TACC2: variants seen among roughly 807,000 people sequenced by gnomAD.
The protein encoded by TACC2 is transforming acidic coiled-coil containing protein 2, also known as transforming acidic coiled-coil-containing protein 2.
Under a neutral mutation model 227.3 loss-of-function variants are expected in TACC2, and 137 were observed. The observed-to-expected ratio is 0.60, with a 90% CI of 0.52 to 0.69. The LOEUF (loss-of-function observed/expected upper bound fraction) is 0.69. TACC2 is among the 30% of genes least tolerant of loss of function. TACC2 has a pLI of 0.00. For missense variants in TACC2, 3,470 were observed against 3,694.4 expected, an observed-to-expected ratio of 0.94 and a Z score of 1.57; for synonymous variants, 1,523 against 1,487.5, an observed-to-expected ratio of 1.02 and a Z score of -0.55.
In TACC2 at chr10:122,180,745, A is replaced by AT. The variant is rs555320076; in HGVS notation, c.5835-14287dup. Among the ~76,000 whole-genome samples, 6 of 151,050 alleles carry AT rather than the reference A, an allele frequency of 4.0e-5. No homozygotes were observed. The South Asian group carries it at 6.3e-4, about 16-fold the overall frequency. On this transcript the variant is annotated intron_variant, in intron 7 of 22. Transcript: ENST00000369005. The surrounding 1 kb of genome is among the most constrained non-coding windows in gnomAD (Gnocchi z 4.5). ...AGAGGAATAACTTATTTTATTTTTT[A>AT]TTTTTTTTGAGACGGAGTCTCGCTC...
At chr10:122,176,107 CTCTCTCTCTCTATATATATATATA>C (rs1456657902) in intron 7 of TACC2, among the ~76,000 whole-genome samples, 19 of 70,532 alleles carry the variant, frequency 2.7e-4, no homozygotes, top group African/African-American at 1.2e-3. Context: ...CTCTCTCTCT[CTCTCTCTCTCTATATATATATATA>C]TATATATATA....
chr10:122,017,818 C>CAAAAAA (rs5788525), intron 1 of TACC2, among the ~76,000 whole-genome samples: 30 of 74,850 alleles, frequency 4.0e-4, no homozygotes, highest in South Asian at 1.3e-3. Context: ...GAAACTGTCT[C>CAAAAAA]AAAAAAAAAA....
At chr10:122,143,830 C>G (rs150476340) in intron 7 of TACC2, 124 bp downstream of exon 7, 1 of 1,094,544 alleles carries the variant, frequency 9.1e-7, no homozygotes, top group Non-Finnish European at 1.3e-6. Flanking sequence ...CATTTGGCCC[C>G]GTGAGACCAT....
chr10:122,166,186 G>A (rs1760103431), intron 7 of TACC2, among the ~76,000 whole-genome samples: 1 of 152,222 alleles, frequency 6.6e-6, no homozygotes, highest in Non-Finnish European at 1.5e-5. Flanking sequence ...TAGAGTGAAT[G>A]TTTCCCTTTT....
intron 7 of TACC2, among the ~76,000 whole-genome samples, chr10:122,178,712 C>T (rs1165259942): frequency 2.6e-5 from 4 of 152,114 alleles, no homozygotes; most frequent in African/African-American, 9.7e-5. Context: ...GGTGAAACCT[C>T]GTCTCTACTA....
intron 8 of TACC2, among the ~76,000 whole-genome samples, chr10:122,195,892 T>C (rs1450672555): frequency 1.3e-5 from 2 of 152,122 alleles, no homozygotes; most frequent in African/African-American, 4.8e-5. Context: ...GCCCAGGTGG[T>C]ATTGTCCTTG....
At chr10:122,024,538 C>T (rs1400184500) in intron 2 of TACC2, among the ~76,000 whole-genome samples, 1 of 152,158 alleles carries the variant, frequency 6.6e-6, no homozygotes. Flanking sequence ...CCTTCTGTAG[C>T]CACACCCACC....
At chr10:122,196,780 C>CA (rs1185564629) in intron 8 of TACC2, among the ~76,000 whole-genome samples, 1 of 151,674 alleles carries the variant, frequency 6.6e-6, no homozygotes, top group Admixed American at 6.6e-5. Context: ...GTTAAAAATA[C>CA]AAAAAATTAG....
rs2094516797 is a variant in TACC2, at chr10:122,194,944, G to A, written c.5835-96G>A. 21 of 1,320,314 alleles carry A rather than the reference G, an allele frequency of 1.6e-5. No homozygotes were observed. The highest frequency in any genetic ancestry group is 2.1e-5 in the Non-Finnish European group (20 of 948,212). The allele number at this position is 1,320,314 out of a possible 1,614,324, so 81.8% of individuals were successfully genotyped here. ...CCTGCACAGTTTAACTGAGCAGCGA[G>A]CCAGAACCCACTGGCTCTGGGTGCG... is the stretch of plus-strand genomic sequence containing the variant. On this transcript the variant is annotated intron_variant, in intron 7 of 22. Transcript: ENST00000369005. The surrounding 1 kb of genome is among the most constrained non-coding windows in gnomAD (Gnocchi z 4.4).
intron 1 of TACC2, among the ~76,000 whole-genome samples, chr10:122,021,239 A>AAGGG (rs149978264): frequency 8.9e-5 from 13 of 146,236 alleles, no homozygotes; most frequent in African/African-American, 3.3e-4. Flanking sequence ...GAAAAAAAAA[A>AAGGG]GGCGGGGGGG....
intron 5 of TACC2, among the ~76,000 whole-genome samples, chr10:122,118,022 T>C (rs867826211): frequency 4.6e-5 from 7 of 151,034 alleles, no homozygotes; most frequent in South Asian, 2.1e-4. Flanking sequence ...TTTCTTTTTT[T>C]TTTTTTTTTG....
At chr10:122,242,417 C>T (rs975543417) in intron 19 of TACC2, among the ~76,000 whole-genome samples, 1 of 152,142 alleles carries the variant, frequency 6.6e-6, no homozygotes, top group Non-Finnish European at 1.5e-5. Flanking sequence ...CCACAAGGAC[C>T]CAGGGACAAG....
intron 7 of TACC2, among the ~76,000 whole-genome samples, chr10:122,160,550 C>T (rs1168467357): frequency 1.3e-5 from 2 of 151,594 alleles, no homozygotes; most frequent in East Asian, 1.9e-4. Flanking sequence ...GGGGGGGTCT[C>T]GTGTCTTTTT....
In TACC2 at chr10:122,011,238, G is replaced by A. The variant is rs111606129; in HGVS notation, c.-45-10699G>A. Among the ~76,000 whole-genome samples the A allele has an allele frequency of 4.8e-4, 73 of 152,340 alleles. 1 individual carries two copies. The highest frequency in any genetic ancestry group is 1.6e-3 in the African/African-American group (68 of 41,586). On this transcript the variant is annotated intron_variant, in intron 1 of 22. Transcript: ENST00000369005. ...GGCCAGGTGGAGAGGGACATAGTGT[G>A]GCTGGGGAAGTGGGAAGGGTGCAGC...
chr10:122,161,057 C>T (rs2092789361), intron 7 of TACC2, among the ~76,000 whole-genome samples: 1 of 152,140 alleles, frequency 6.6e-6, no homozygotes, highest in Non-Finnish European at 1.5e-5. Flanking sequence ...CATCAGCCTC[C>T]TGAGTAGCTG....
chr10:122,068,757 G>T lies in TACC2; in HGVS notation c.147-13890G>T, dbSNP rs547883094. On this transcript the variant is annotated intron_variant, in intron 3 of 22. Coordinates refer to ENST00000369005, the MANE Select transcript of TACC2 (RefSeq NM_206862.4). Reference sequence around the variant, plus strand: ...CGGGCCACTGCAACCTCCGCTTTCCGGGTTCAAGTGATTCTCCTGTCTCAG... The same window carrying T: ...CGGGCCACTGCAACCTCCGCTTTCCTGGTTCAAGTGATTCTCCTGTCTCAG... Among the ~76,000 whole-genome samples the T allele has an allele frequency of 2.0e-5, 3 of 151,540 alleles. No individual in the cohort carries two copies. In the East Asian group the frequency reaches 5.8e-4, roughly 29 times the overall value.
At chr10:122,107,360 A>G (rs917098621) in intron 5 of TACC2, among the ~76,000 whole-genome samples, 18 of 151,952 alleles carry the variant, frequency 1.2e-4, no homozygotes, top group Non-Finnish European at 1.8e-4. Flanking sequence ...AGGCCGAGGC[A>G]GGTGGATCAC....
intron 1 of TACC2, among the ~76,000 whole-genome samples, chr10:122,008,261 A>ATTT (rs1554958025): frequency 6.1e-5 from 4 of 65,170 alleles, no homozygotes; most frequent in African/African-American, 2.3e-4. Context: ...TATTATTATT[A>ATTT]TTATTTTTTT....
intron 6 of TACC2, among the ~76,000 whole-genome samples, chr10:122,138,643 A>T (rs911776877): frequency 1.3e-5 from 2 of 152,238 alleles, no homozygotes; most frequent in African/African-American, 4.8e-5. Flanking sequence ...TTTGACATTC[A>T]TGAATCAGAT....
Sources: allele counts gnomAD v4.1 joint callset (sites outside exome capture counted in the v4.1 genomes callset), GRCh38; gene constraint gnomAD v4.1.1; non-coding constraint Gnocchi (gnomAD v3.1); transcripts MANE v1.5; gene names NCBI Gene and HGNC (gene_info 2026-07-23, HGNC 2026-07-21).